CFDP1: variants seen among roughly 807,000 people sequenced by gnomAD.
CFDP1 encodes chromatin remodeling protein CFDP1, also known as heterochromatin-stabilizing protein CFDP1.
A neutral mutation model predicts 40.1 loss-of-function variants in CFDP1; 31 were observed. The ratio of observed to expected loss-of-function variants is 0.77; its 90% CI spans 0.58 to 1.04. The LOEUF is 1.04. Among genes scored for constraint, CFDP1 ranks in the 50% least tolerant of loss-of-function variants. The pLI is 0.00. For synonymous variants in CFDP1, 167 were observed against 120.0 expected (o/e 1.39, Z -2.56); for missense variants, 423 against 343.4 (o/e 1.23, Z -1.83).
In CFDP1 at chr16:75,303,400, A is replaced by AATGTATGTATGTATGTATGT. The variant is rs71380717; in HGVS notation, c.809+1604_809+1623dup. On this transcript the variant is annotated intron_variant, in intron 6 of 6. Transcript: ENST00000283882. ...AAATAAATAAATAAATAAATAAATA[A>AATGTATGTATGTATGTATGT]ATGTATGTATGTATGTATGTATGTA... is the stretch of plus-strand genomic sequence containing the variant. Among the ~76,000 whole-genome samples, 1,145 of 146,218 alleles carry AATGTATGTATGTATGTATGT rather than the reference A, an allele frequency of 7.8e-3. 6 individuals carry two copies. Among genetic ancestry groups the AATGTATGTATGTATGTATGT allele is most frequent in the Non-Finnish European group, 0.012 (805 of 67,080 alleles).
At chr16:75,300,917 A>C (rs2078217236) in intron 6 of CFDP1, among the ~76,000 whole-genome samples, 1 of 152,084 alleles carries the variant, frequency 6.6e-6, no homozygotes, top group South Asian at 2.1e-4. Context: ...AGGCCCAGGG[A>C]AGGAAAAAAA....
intron 1 of CFDP1, among the ~76,000 whole-genome samples, chr16:75,427,829 T>A (rs149023677): frequency 1.3e-5 from 2 of 152,186 alleles, no homozygotes; most frequent in Non-Finnish European, 2.9e-5. Context: ...TCATAAAAAA[T>A]TGGAAACAAC....
intron 1 of CFDP1, among the ~76,000 whole-genome samples, chr16:75,424,807 A>G (rs955471322): frequency 3.9e-5 from 6 of 152,038 alleles, no homozygotes; most frequent in Non-Finnish European, 8.8e-5. Context: ...CCCTCTCACC[A>G]CTAGCATTCA....
At chr16:75,299,897 C>G (rs1194585672) in intron 6 of CFDP1, among the ~76,000 whole-genome samples, 1 of 152,020 alleles carries the variant, frequency 6.6e-6, no homozygotes, top group African/African-American at 2.4e-5. Flanking sequence ...CGCATAGAGC[C>G]CTGGATGACA....
At chr16:75,351,959 G>A (rs2078614823) in intron 5 of CFDP1, among the ~76,000 whole-genome samples, 1 of 136,636 alleles carries the variant, frequency 7.3e-6, no homozygotes, top group Non-Finnish European at 1.5e-5. Context: ...AGTAAGCCAA[G>A]ATTGCGCTAC....
At position 75,305,197 on chromosome 16, in the gene CFDP1, T is replaced by G; in HGVS notation, c.651-15A>C. ...ATCTTTTTAACCTAAGGAAAGAAAATATGAAAGATGTAGCAGGTAAAAACT... is the reference window on the plus strand; with the variant it reads ...ATCTTTTTAACCTAAGGAAAGAAAAGATGAAAGATGTAGCAGGTAAAAACT... On this transcript the variant is annotated splice_polypyrimidine_tract_variant and intron_variant, in intron 5 of 6. Transcript: ENST00000283882. 3.1e-6 allele frequency: 5 copies of G among 1,612,212 alleles called. No homozygotes were observed. The highest frequency in any genetic ancestry group is 4.2e-6 in the Non-Finnish European group (5 of 1,179,190).
At chr16:75,403,292 C>T (rs2079071119) in intron 4 of CFDP1, among the ~76,000 whole-genome samples, 1 of 152,168 alleles carries the variant, frequency 6.6e-6, no homozygotes, top group Non-Finnish European at 1.5e-5. Context: ...GATCTCAGCA[C>T]ACAGCAACCT....
intron 5 of CFDP1, among the ~76,000 whole-genome samples, chr16:75,317,566 T>G (rs2078331919): frequency 6.6e-6 from 1 of 152,224 alleles, no homozygotes; most frequent in Non-Finnish European, 1.5e-5. Flanking sequence ...TTTGTATGAT[T>G]AGACACAGCT....
intron 5 of CFDP1, among the ~76,000 whole-genome samples, chr16:75,321,080 G>A (rs776100925): frequency 1.3e-5 from 2 of 151,640 alleles, no homozygotes; most frequent in Non-Finnish European, 2.9e-5. Context: ...ACAGGCACAC[G>A]CCATCATGCC....
At chr16:75,357,767 T>G (rs186968940) in intron 5 of CFDP1, among the ~76,000 whole-genome samples, 22 of 152,334 alleles carry the variant, frequency 1.4e-4, no homozygotes, top group Non-Finnish European at 2.8e-4. Flanking sequence ...CTATTTCACT[T>G]TCTTATCATT....
chr16:75,294,030 C>G lies in CFDP1; in HGVS notation c.822G>C (p.Arg274=), dbSNP rs760253168. The G allele has an allele frequency of 4.3e-6, 7 of 1,613,468 alleles. No individual in the cohort carries two copies. The East Asian group carries it at 6.7e-5, about 15-fold the overall frequency. Residue 274 remains arginine, a synonymous_variant, in exon 7 of 7, where the codon CGG becomes CGC. Transcript: ENST00000283882. The stretch of plus-strand genomic sequence containing the variant: ...GATCCACTCGGTCAAGGAAGGCTTT[C>G]CGTTCAATGTACCTAGAAGATGAAA... ...HNRGKEGYIE[R]KAFLDRVDHR...
rs116656236 is a variant in CFDP1, at chr16:75,372,039, C to T, written c.650+23051G>A. ...CTCTATGAAGTAGGAATTATGATCC[C>T]TATTTTACAGCTAAAAGAATTAAGT... On this transcript the variant is annotated intron_variant, in intron 5 of 6. Coordinates refer to ENST00000283882, the MANE Select transcript of CFDP1 (RefSeq NM_006324.3). Among the ~76,000 whole-genome samples, 698 of 152,242 alleles carry T rather than the reference C, an allele frequency of 4.6e-3. 3 individuals are homozygous for T. The highest frequency in any genetic ancestry group is 0.016 in the African/African-American group (646 of 41,534).
Position 75,346,582 on chromosome 16 carries a change from C to CAAAAAA in CFDP1, c.651-41406_651-41401dup, listed in dbSNP as rs748081401. On this transcript the variant is annotated intron_variant, in intron 5 of 6. Coordinates refer to ENST00000283882, the MANE Select transcript of CFDP1 (RefSeq NM_006324.3). ...TGGGTGACAGAGCAAGACTCTGTCT[C>CAAAAAA]AAAAAAAAAAAAAAAAAAAAAAAAA... 7.6e-3 allele frequency among the ~76,000 whole-genome samples: 452 copies of CAAAAAA among 59,334 alleles called. 33 individuals are homozygous for CAAAAAA. Among genetic ancestry groups the CAAAAAA allele is most frequent in the Non-Finnish European group, 9.5e-3 (324 of 34,262 alleles). The allele number at this position is 59,334 out of a possible 152,430, so 38.9% of individuals were successfully genotyped here. A position where few individuals can be genotyped will look rare whatever the true frequency, so the allele number is the denominator to read the frequency against.
chr16:75,312,201 G>A (rs773053814), intron 5 of CFDP1, among the ~76,000 whole-genome samples: 14 of 152,144 alleles, frequency 9.2e-5, no homozygotes, highest in Non-Finnish European at 1.9e-4. Context: ...GAAATGGACT[G>A]GAAGCCACTG....
intron 5 of CFDP1, among the ~76,000 whole-genome samples, chr16:75,393,733 G>A (rs1446286572): frequency 2.0e-5 from 1 of 50,662 alleles, no homozygotes; most frequent in Non-Finnish European, 3.7e-5. Flanking sequence ...GCGAGACTCC[G>A]TCGCAAAAAA....
At chr16:75,412,813 C>T in intron 2 of CFDP1, 59 bp from the exon 3 acceptor site, 1 of 1,325,156 alleles carries the variant, frequency 7.5e-7, no homozygotes, top group South Asian at 1.2e-5. Flanking sequence ...TCAGTTATCC[C>T]TCTCCCAATC....
chr16:75,304,147 C>A (rs2078242432), intron 6 of CFDP1, among the ~76,000 whole-genome samples: 1 of 152,130 alleles, frequency 6.6e-6, no homozygotes. Context: ...TGGCTCACTG[C>A]AACCTCCACC....
chr16:75,394,021 C>T (rs2078975940), intron 5 of CFDP1, among the ~76,000 whole-genome samples: 1 of 151,706 alleles, frequency 6.6e-6, no homozygotes, highest in African/African-American at 2.4e-5. Flanking sequence ...CGCCACTGCA[C>T]TGCAGCCTGG....
At chr16:75,350,226 A>G (rs2078601213) in intron 5 of CFDP1, among the ~76,000 whole-genome samples, 1 of 151,994 alleles carries the variant, frequency 6.6e-6, no homozygotes, top group East Asian at 1.9e-4. Flanking sequence ...TTTTGTGTGG[A>G]TATATGTTTT....
Sources: allele counts gnomAD v4.1 joint callset (sites outside exome capture counted in the v4.1 genomes callset), GRCh38; gene constraint gnomAD v4.1.1; transcripts MANE v1.5; gene names NCBI Gene and HGNC (gene_info 2026-07-23, HGNC 2026-07-21).